The following COL23A1 variants were observed in gnomAD, a reference collection of about 807,000 sequenced individuals.
COL23A1 encodes collagen alpha-1(XXIII) chain.
COL23A1 carries 97 observed loss-of-function variants against 99.3 expected under a neutral mutation model. The observed-to-expected ratio is 0.98, with a 90% CI of 0.83 to 1.16. The LOEUF is 1.16. Among genes scored for constraint, COL23A1 ranks in the 50% most tolerant of loss-of-function variants. The probability of loss-of-function intolerance (pLI) is 0.00; values close to 1 mark genes in which losing one functional copy is unlikely to be tolerated. For missense variants in COL23A1, 762 were observed against 757.4 expected (o/e 1.01, Z -0.07); for synonymous variants, 320 against 308.2 (o/e 1.04, Z -0.40).
intron 2 of COL23A1, among the ~76,000 whole-genome samples, chr5:178,546,746 A>T (rs1055089413): frequency 1.3e-5 from 2 of 152,322 alleles, no homozygotes; most frequent in South Asian, 4.1e-4. Context: ...AAGGGCAGCT[A>T]TTTCTGTCCG....
At chr5:178,360,027 G>A (rs370655305) in intron 2 of COL23A1, among the ~76,000 whole-genome samples, 3 of 152,168 alleles carry the variant, frequency 2.0e-5, no homozygotes, top group Admixed American at 6.5e-5. Flanking sequence ...GCAGCCGCTC[G>A]CATCATAGGT....
rs182685351 is a variant in COL23A1 at position 178,265,591 on chromosome 5, C to T, written c.522+1716G>A. On this transcript the variant is annotated intron_variant, in intron 8 of 28. Coordinates refer to ENST00000390654, the MANE Select transcript of COL23A1 (RefSeq NM_173465.4). The stretch of plus-strand genomic sequence containing the variant: ...GATGGCTGAGGTCTAACCCTGCAAA[C>T]GTGGGGTGAGTTGGGGGTAACACAG... 15 of 815,482 alleles carry T rather than the reference C, an allele frequency of 1.8e-5. No homozygotes were observed. In the East Asian group the frequency reaches 7.5e-4, roughly 41 times the overall value. The allele number at this position is 815,482 out of a possible 1,614,324, so 50.5% of individuals were successfully genotyped here.
Position 178,308,085 on chromosome 5 carries a change from TTGTGTCTGTGTTTCTGTGTG to T in COL23A1, c.362-1186_362-1167del, listed in dbSNP as rs1047070103. On this transcript the variant is annotated intron_variant, in intron 2 of 28. Transcript: ENST00000390654. The surrounding 1 kb of genome is among the most constrained non-coding windows in gnomAD (Gnocchi z 5.1). ...TGTGTGCATGTGTGTGTCTGTGTTT[TTGTGTCTGTGTTTCTGTGTG>T]TGTGTCTGTGTATGTATGTTTGTGT... is the stretch of plus-strand genomic sequence containing the variant. Among the ~76,000 whole-genome samples, 88 of 151,602 alleles carry T rather than the reference TTGTGTCTGTGTTTCTGTGTG, an allele frequency of 5.8e-4. No individual in the cohort carries two copies. The highest frequency in any genetic ancestry group is 2.1e-3 in the African/African-American group (85 of 41,084).
At chr5:178,552,879 A>C (rs949531488) in intron 2 of COL23A1, among the ~76,000 whole-genome samples, 1 of 151,802 alleles carries the variant, frequency 6.6e-6, no homozygotes, top group Non-Finnish European at 1.5e-5. Context: ...ACACCTGGCT[A>C]ATTTTTGTAT....
intron 2 of COL23A1, among the ~76,000 whole-genome samples, chr5:178,370,508 GGGGATT>G: frequency 6.6e-6 from 1 of 152,154 alleles, no homozygotes; most frequent in African/African-American, 2.4e-5. Flanking sequence ...CTTGGCGGCA[GGGGATT>G]GGGGGACATT....
At chr5:178,517,568 G>GTTTTGTTTTT (rs1759600764) in intron 2 of COL23A1, among the ~76,000 whole-genome samples, 12 of 108,242 alleles carry the variant, frequency 1.1e-4, no homozygotes, top group East Asian at 8.9e-4. Flanking sequence ...TTTTTTTTTT[G>GTTTTGTTTTT]TTTTTTTTTT....
intron 1 of COL23A1, among the ~76,000 whole-genome samples, chr5:178,576,246 C>T (rs1176888800): frequency 6.6e-6 from 1 of 151,392 alleles, no homozygotes; most frequent in Non-Finnish European, 1.5e-5. Flanking sequence ...ATTCATTATC[C>T]TTTTTTTTTA....
intron 2 of COL23A1, among the ~76,000 whole-genome samples, chr5:178,448,616 G>A (rs1052929905): frequency 6.6e-6 from 1 of 152,226 alleles, no homozygotes; most frequent in Non-Finnish European, 1.5e-5. Context: ...AGGTGAGAGA[G>A]AGAGCAAGAA....
intron 1 of COL23A1, among the ~76,000 whole-genome samples, chr5:178,583,289 T>C (rs561373313): frequency 6.6e-6 from 1 of 152,308 alleles, no homozygotes; most frequent in East Asian, 1.9e-4. Context: ...TTCATGCCAC[T>C]GAGGTGGAAT....
At chr5:178,329,546 G>A (rs1165862967) in intron 2 of COL23A1, among the ~76,000 whole-genome samples, 11 of 152,018 alleles carry the variant, frequency 7.2e-5, no homozygotes, top group Admixed American at 2.6e-4. Context: ...GTCCAAAAAC[G>A]CCCCGCACCC....
chr5:178,570,070 C>T (rs1763012179), intron 1 of COL23A1, among the ~76,000 whole-genome samples: 1 of 151,926 alleles, frequency 6.6e-6, no homozygotes, highest in South Asian at 2.1e-4. Flanking sequence ...CATCTTAGAA[C>T]TCTGCCTGTC....
At chr5:178,495,150 G>A (rs1010029411) in intron 2 of COL23A1, among the ~76,000 whole-genome samples, 2 of 152,150 alleles carry the variant, frequency 1.3e-5, no homozygotes, top group Non-Finnish European at 2.9e-5. Flanking sequence ...TCAGCCTGCC[G>A]CCAGGCATGA....
At chr5:178,297,084 C>T (rs1424511758) in intron 3 of COL23A1, among the ~76,000 whole-genome samples, 1 of 152,270 alleles carries the variant, frequency 6.6e-6, no homozygotes, top group Non-Finnish European at 1.5e-5. Context: ...CGGTGCTCTG[C>T]TCCATCCTTC....
At chr5:178,241,512 G>A (rs1019469514) in intron 27 of COL23A1, among the ~76,000 whole-genome samples, 2 of 152,172 alleles carry the variant, frequency 1.3e-5, no homozygotes, top group Non-Finnish European at 2.9e-5. Flanking sequence ...TTGGCCTCAG[G>A]CCCAGTGGGA....
chr5:178,306,921 T>C lies in COL23A1; in HGVS notation c.362-2A>G. ...GCTTGCCGCGCCGTCCAGGGGGCCC[T>C]AGACAGGAAAACAAGAATGCATTCA... On this transcript the variant is annotated splice_acceptor_variant, in intron 2 of 28. Coordinates refer to ENST00000390654, the MANE Select transcript of COL23A1 (RefSeq NM_173465.4). LOFTEE classifies it high-confidence loss of function. The surrounding 1 kb of genome is among the most constrained non-coding windows in gnomAD (Gnocchi z 4.1). The C allele has an allele frequency of 6.5e-7, 1 of 1,527,600 alleles. No homozygotes were observed. Among genetic ancestry groups the C allele is most frequent in the Non-Finnish European group, 8.8e-7 (1 of 1,136,802 alleles). 94.6% of individuals were successfully genotyped at this position (1,527,600 alleles called of 1,614,324 possible).
chr5:178,251,173 C>A (rs948300829), intron 17 of COL23A1, among the ~76,000 whole-genome samples: 1 of 151,798 alleles, frequency 6.6e-6, no homozygotes, highest in Non-Finnish European at 1.5e-5. Context: ...CAAGTGCGCA[C>A]AACCACACCC....
chr5:178,279,158 C>A (rs563009262), intron 5 of COL23A1, among the ~76,000 whole-genome samples: 1 of 152,360 alleles, frequency 6.6e-6, no homozygotes, highest in East Asian at 1.9e-4. Context: ...CACCCACTGC[C>A]CTCAGGGCAA....
intron 17 of COL23A1, among the ~76,000 whole-genome samples, chr5:178,251,934 A>G: frequency 7.8e-6 from 1 of 128,764 alleles, no homozygotes; most frequent in African/African-American, 3.0e-5. Context: ...TTATTTTGAG[A>G]CAGAGTTTTG....
intron 1 of COL23A1, among the ~76,000 whole-genome samples, chr5:178,565,946 C>G (rs1157207688): frequency 5.6e-5 from 8 of 143,464 alleles, no homozygotes; most frequent in African/African-American, 2.2e-4. Flanking sequence ...AACCCCATCT[C>G]TACTAAAAAA....
Sources: gnomAD v4.1 joint callset for allele counts (sites outside exome capture counted in the v4.1 genomes callset) on GRCh38, gnomAD v4.1.1 for gene constraint, Gnocchi (gnomAD v3.1) non-coding constraint, MANE v1.5 for transcripts, NCBI Gene and HGNC (gene_info 2026-07-23, HGNC 2026-07-21) for gene names.